The following SLIT2 variants were observed in gnomAD, a reference collection of about 807,000 sequenced individuals.
SLIT2 encodes slit homolog 2 protein.
Under a neutral mutation model 185.7 loss-of-function variants are expected in SLIT2, and 41 were observed. That is an observed-to-expected ratio of 0.22 (90% confidence interval 0.17 to 0.29). The LOEUF (loss-of-function observed/expected upper bound fraction) is 0.29. Ranked by LOEUF, SLIT2 falls within the 10% of genes least tolerant of loss-of-function variation. The probability of loss-of-function intolerance (pLI) is 1.00; values close to 1 mark genes in which losing one functional copy is unlikely to be tolerated. For missense variants in SLIT2, 1,571 were observed against 1,909.0 expected, an observed-to-expected ratio of 0.82 and a Z score of 3.30; for synonymous variants, 693 against 680.2, an observed-to-expected ratio of 1.02 and a Z score of -0.29.
At chr4:20,587,498 T>C (rs1461755056) in intron 29 of SLIT2, among the ~76,000 whole-genome samples, 1 of 152,212 alleles carries the variant, frequency 6.6e-6, no homozygotes, top group African/African-American at 2.4e-5. Context: ...GTTGGCATGC[T>C]TAATCTTAAA....
In SLIT2 at chr4:20,508,545, A is replaced by G. The variant is rs188084212; in HGVS notation, c.915-1950A>G. Among the ~76,000 whole-genome samples, 129 of 152,174 alleles carry G rather than the reference A, an allele frequency of 8.5e-4. 1 individual carries two copies. Among genetic ancestry groups the G allele is most frequent in the Non-Finnish European group, 8.8e-5 (6 of 67,960 alleles). ...TGATATGTTATTGGATGTAAAGACA[A>G]TACACCCAATTCTATTTGTAGTAAT... On this transcript the variant is annotated intron_variant, in intron 9 of 36. Coordinates refer to ENST00000504154, the MANE Select transcript of SLIT2 (RefSeq NM_004787.4).
intron 4 of SLIT2, among the ~76,000 whole-genome samples, chr4:20,418,391 A>G (rs1353591854): frequency 6.6e-6 from 1 of 152,206 alleles, no homozygotes; most frequent in Non-Finnish European, 1.5e-5. Context: ...GAAGGTATCT[A>G]TGTAAGGTCC....
At chr4:20,422,171 A>T (rs1224392450) in intron 4 of SLIT2, among the ~76,000 whole-genome samples, 1 of 152,190 alleles carries the variant, frequency 6.6e-6, no homozygotes, top group African/African-American at 2.4e-5. Flanking sequence ...AAAAAATTGC[A>T]AATTGCGTGC....
chr4:20,452,327 C>T (rs191215099), intron 4 of SLIT2, among the ~76,000 whole-genome samples: 4 of 152,192 alleles, frequency 2.6e-5, no homozygotes, highest in African/African-American at 4.8e-5. Flanking sequence ...TCCATTTCCT[C>T]GTCTGTGTGT....
At chr4:20,320,584 C>T (rs913637653) in intron 4 of SLIT2, among the ~76,000 whole-genome samples, 1 of 152,080 alleles carries the variant, frequency 6.6e-6, no homozygotes, top group Non-Finnish European at 1.5e-5. Flanking sequence ...CTGATAGTCT[C>T]TTCAGCCACT....
chr4:20,567,700 A>C (rs1271502153), intron 28 of SLIT2, 85 bp downstream of exon 28: 2 of 1,037,794 alleles, frequency 1.9e-6, no homozygotes, highest in East Asian at 4.8e-5. Context: ...TTTCAAATCA[A>C]AGGACAGTAT....
Position 20,523,801 on chromosome 4 carries a change from C to A in SLIT2, c.1172C>A (p.Ala391Asp). ...ANKINCLRVD[A>D]FQDLHNLNLL... ...AAGATAAACTGCCTTCGGGTAGATG[C>A]TTTTCAGGATCTCCACAACTTGAAC... The change falls in exon 13 of 37, where the codon GCT becomes GAT. Residue 391 changes from alanine to aspartate, a missense_variant. This residue lies in a region of SLIT2 where 1,202 missense variants were observed against 1,416.4 expected (regional missense o/e 0.85). Transcript: ENST00000504154. 1 of 1,613,906 alleles carries A rather than the reference C, an allele frequency of 6.2e-7. No individual in the cohort carries two copies. The highest frequency in any genetic ancestry group is 8.5e-7 in the Non-Finnish European group (1 of 1,179,812).
Position 20,610,103 on chromosome 4 carries a change from C to G in SLIT2, c.3783C>G (p.Pro1261=), listed in dbSNP as rs574974315. ...SLSLSVDGGN[P]KIITNLSKQS... is the part of the protein sequence containing the mutation. ...CTTTGTCCGTGGATGGTGGGAACCC[C>G]AAAATCATCACTAACTTGTCAAAGC... The change falls in exon 34 of 37, where the codon CCC becomes CCG. Residue 1261 remains proline, a synonymous_variant. Transcript: ENST00000504154. 5.0e-5 allele frequency: 80 copies of G among 1,613,738 alleles called. No individual in the cohort carries two copies. The East Asian group carries it at 1.6e-3, about 32-fold the overall frequency.
chr4:20,328,420 A>G (rs1203106533), intron 4 of SLIT2, among the ~76,000 whole-genome samples: 1 of 151,982 alleles, frequency 6.6e-6, no homozygotes, highest in East Asian at 1.9e-4. Flanking sequence ...TTAGTTTTTG[A>G]ATTTAAAAGG....
At chr4:20,458,136 C>T (rs988525353) in intron 4 of SLIT2, among the ~76,000 whole-genome samples, 7 of 147,944 alleles carry the variant, frequency 4.7e-5, no homozygotes, top group Admixed American at 2.0e-4. Flanking sequence ...TCAAAAAGTA[C>T]GGCTTTGATG....
At chr4:20,295,431 A>T (rs1457888006) in intron 4 of SLIT2, among the ~76,000 whole-genome samples, 1 of 152,188 alleles carries the variant, frequency 6.6e-6, no homozygotes, top group Non-Finnish European at 1.5e-5. Flanking sequence ...AAGTCGACTT[A>T]TGCTAACAAC....
chr4:20,469,326 A>G (rs1253172598), intron 5 of SLIT2, among the ~76,000 whole-genome samples: 1 of 152,304 alleles, frequency 6.6e-6, no homozygotes, highest in East Asian at 1.9e-4. Flanking sequence ...TCCTTAAAAC[A>G]GGTGGCTTTT....
intron 4 of SLIT2, among the ~76,000 whole-genome samples, chr4:20,318,383 A>G (rs1212467017): frequency 6.6e-6 from 1 of 152,184 alleles, no homozygotes; most frequent in Non-Finnish European, 1.5e-5. Flanking sequence ...ATTGCTGAGC[A>G]TATGTTGAAC....
intron 33 of SLIT2, among the ~76,000 whole-genome samples, chr4:20,605,360 T>C (rs150415380): frequency 6.6e-6 from 1 of 152,352 alleles, no homozygotes; most frequent in East Asian, 1.9e-4. Context: ...TTTGTTTTCA[T>C]GTATCCACTT....
At chr4:20,441,926 G>C (rs975838810) in intron 4 of SLIT2, among the ~76,000 whole-genome samples, 2 of 152,072 alleles carry the variant, frequency 1.3e-5, no homozygotes, top group Non-Finnish European at 2.9e-5. Context: ...CCTAATAAGA[G>C]AGCCCAACAC....
rs1560453786 is a variant in SLIT2 at position 20,472,390 on chromosome 4, A to ATC, written c.467+4568_467+4569insCT. 1.4e-3 allele frequency among the ~76,000 whole-genome samples: 64 copies of ATC among 47,068 alleles called. 3 individuals carry two copies. The highest frequency in any genetic ancestry group is 6.3e-3 in the African/African-American group (62 of 9,900). The allele number at this position is 47,068 out of a possible 152,430, so 30.9% of individuals were successfully genotyped here. A position where few individuals can be genotyped will look rare whatever the true frequency, so the allele number is the denominator to read the frequency against. On this transcript the variant is annotated intron_variant, in intron 5 of 36. Transcript: ENST00000504154. ...GATATCTATATCTATATATATGTAG[A>ATC]TATATAGATATAGATATCTATATAT...
At chr4:20,410,599 T>G (rs1349433762) in intron 4 of SLIT2, among the ~76,000 whole-genome samples, 2 of 151,946 alleles carry the variant, frequency 1.3e-5, no homozygotes, top group East Asian at 1.9e-4. Context: ...TTGTATGTGG[T>G]GTAAGGAAGG....
At chr4:20,578,745 A>G (rs1419669336) in intron 29 of SLIT2, among the ~76,000 whole-genome samples, 2 of 152,234 alleles carry the variant, frequency 1.3e-5, no homozygotes, top group Non-Finnish European at 2.9e-5. Flanking sequence ...TGTTGTAGAC[A>G]TGCCCAATTT....
chr4:20,459,791 G>A (rs1713490433), intron 4 of SLIT2, among the ~76,000 whole-genome samples: 1 of 151,668 alleles, frequency 6.6e-6, no homozygotes. Flanking sequence ...TTACTTATCA[G>A]GCCTCAAACC....
Sources: gnomAD v4.1 joint callset for allele counts (sites outside exome capture counted in the v4.1 genomes callset) on GRCh38, gnomAD v4.1.1 for gene constraint, gnomAD v4.1.1 regional missense constraint, MANE v1.5 for transcripts, NCBI Gene and HGNC (gene_info 2026-07-23, HGNC 2026-07-21) for gene names.